Variants in MYBPC3 observed in about 807,000 individuals in gnomAD.
MYBPC3 encodes the protein myosin binding protein C3.
Under a neutral mutation model 159.3 loss-of-function variants are expected in MYBPC3, and 108 were observed. The ratio of observed to expected loss-of-function variants is 0.68; its 90% CI spans 0.58 to 0.80. The LOEUF (loss-of-function observed/expected upper bound fraction) is 0.80. Among genes scored for constraint, MYBPC3 ranks in the 30% least tolerant of loss-of-function variants. The pLI, the probability that MYBPC3 is intolerant of heterozygous loss-of-function variation, is 0.00. For synonymous variants in MYBPC3, 730 were observed against 702.0 expected, an observed-to-expected ratio of 1.04 and a Z score of -0.63; for missense variants, 1,631 against 1,762.1, an observed-to-expected ratio of 0.93 and a Z score of 1.33.
Position 47,333,710 on chromosome 11 carries a change from G to C in MYBPC3, c.3037C>G (p.Pro1013Ala), listed in dbSNP as rs965977966. 1.2e-6 allele frequency: 2 copies of C among 1,609,164 alleles called. No individual in the cohort carries two copies. The highest frequency in any genetic ancestry group is 2.7e-5 in the African/African-American group (2 of 74,920). Residue 1013 changes from proline (P) to alanine (A), a missense_variant, in exon 29 of 35, where the codon CCC becomes GCC. Coordinates refer to ENST00000545968, the MANE Select transcript of MYBPC3 (RefSeq NM_000256.3). ...ATGCTCACCTCCTCGCCTGCCAGGG[G>C]CTGCCCCTCTTTGGTCCAGGTCACC... is the stretch of plus-strand genomic sequence containing the variant. ...PQVTWTKEGQPLAGEEVSIRN... is the reference protein window; with the variant it reads ...PQVTWTKEGQALAGEEVSIRN...
At chr11:47,335,570 G>A (rs548330219) in intron 26 of MYBPC3, 16 of 298,402 alleles carry the variant, frequency 5.4e-5, no homozygotes, top group East Asian at 3.8e-4. Flanking sequence ...CAGGTGATCC[G>A]CCCACCTTGG....
At position 47,351,192 on chromosome 11, in the gene MYBPC3, C is replaced by G. The variant is rs1360671628; in HGVS notation, c.292+47G>C. The G allele has an allele frequency of 3.4e-6, 5 of 1,461,516 alleles. No individual in the cohort carries two copies. In the South Asian group the frequency reaches 5.6e-5, roughly 16 times the overall value. 90.5% of individuals were successfully genotyped at this position (1,461,516 alleles called of 1,614,324 possible). A position where few individuals can be genotyped will look rare whatever the true frequency, so the allele number is the denominator to read the frequency against. ...ATGGATGGAGAGTCGCTGGGCTGCC[C>G]CTCCCCCAGCAGCCCAAACCTCAGG... On this transcript the variant is annotated intron_variant, in intron 2 of 34. Transcript: ENST00000545968. The surrounding 1 kb of genome is among the most constrained non-coding windows in gnomAD (Gnocchi z 4.2).
intron 18 of MYBPC3, among the ~76,000 whole-genome samples, 159 bp from the exon 19 acceptor site, chr11:47,341,403 C>T (rs1484083977): frequency 3.3e-5 from 5 of 152,200 alleles, no homozygotes; most frequent in African/African-American, 1.2e-4. Context: ...TCTAATTTTC[C>T]AGCTTTTTAA....
chr11:47,347,565 A>G (rs3729990), intron 8 of MYBPC3, 86 bp from the exon 9 acceptor site: 229 of 1,558,816 alleles, frequency 1.5e-4, no homozygotes, highest in Non-Finnish European at 1.8e-4. Flanking sequence ...GGAGGGAGAA[A>G]GGGACACTAG....
At chr11:47,344,497 G>A (rs557953912) in intron 12 of MYBPC3, among the ~76,000 whole-genome samples, 9 of 152,302 alleles carry the variant, frequency 5.9e-5, no homozygotes, top group Admixed American at 1.3e-4. Flanking sequence ...TCTTGCGGCC[G>A]TGTTTGTAAA....
In MYBPC3 at chr11:47,338,454, G is replaced by C. The variant is rs992866458; in HGVS notation, c.2308+66C>G. 1 of 1,602,560 alleles carries C rather than the reference G, an allele frequency of 6.2e-7. No homozygotes were observed. The highest frequency in any genetic ancestry group is 2.2e-5 in the East Asian group (1 of 44,666). ...ATGTTTGTCGAGTGGCTGAATGAGC[G>C]AACGGATGGGCCCTCCTTGGGGCTG... On this transcript the variant is annotated intron_variant, in intron 23 of 34. Coordinates refer to ENST00000545968, the MANE Select transcript of MYBPC3 (RefSeq NM_000256.3). The surrounding 1 kb of genome is among the most constrained non-coding windows in gnomAD (Gnocchi z 4.7).
At chr11:47,343,400 G>A (rs1189709870) in intron 13 of MYBPC3, 92 bp downstream of exon 13, 13 of 1,493,786 alleles carry the variant, frequency 8.7e-6, no homozygotes, top group South Asian at 1.3e-5. Flanking sequence ...GAGCCACACC[G>A]AGTCAGAGAT....
chr11:47,339,886 T>G, intron 20 of MYBPC3, 96 bp from the exon 21 acceptor site: 16 of 1,401,170 alleles, frequency 1.1e-5, no homozygotes, highest in East Asian at 2.3e-5. Flanking sequence ...CCCCTGGTTA[T>G]TGGTTTTTTA....
chr11:47,348,136 C>T (rs1196751140), intron 6 of MYBPC3, among the ~76,000 whole-genome samples: 1 of 152,188 alleles, frequency 6.6e-6, no homozygotes, highest in Non-Finnish European at 1.5e-5. Context: ...CTCACCTTCA[C>T]CCATCGCCCA....
chr11:47,336,557 A>T (rs1240137064), intron 25 of MYBPC3, among the ~76,000 whole-genome samples: 1 of 151,798 alleles, frequency 6.6e-6, no homozygotes, highest in Non-Finnish European at 1.5e-5. Flanking sequence ...CCTGGCACGT[A>T]TGATTAGGTG....
At position 47,341,200 on chromosome 11, in the gene MYBPC3, G is replaced by GT; in HGVS notation, c.1834_1835insA (p.Ala612AspfsTer2). 6.3e-7 allele frequency: 1 copy of GT among 1,594,942 alleles called. No homozygotes were observed. The highest frequency in any genetic ancestry group is 8.5e-7 in the Non-Finnish European group (1 of 1,171,114). On this transcript the variant is annotated frameshift_variant, in exon 19 of 35. Transcript: ENST00000545968. LOFTEE classifies it high-confidence loss of function. ...GCCCTCGGGCACAAAGCTGTAGTCA[G>GT]CCTCGTCGGCAGGTGTGACGTCGTC... is the stretch of plus-strand genomic sequence containing the variant.
chr11:47,336,730 C>T (rs2095882686), intron 25 of MYBPC3, among the ~76,000 whole-genome samples: 1 of 152,164 alleles, frequency 6.6e-6, no homozygotes, highest in Admixed American at 6.5e-5. Flanking sequence ...CCCCCGGACT[C>T]ACCCACCCTA....
chr11:47,342,938 G>A lies in MYBPC3; in HGVS notation c.1352-3C>T. On this transcript the variant is annotated splice_region_variant and splice_polypyrimidine_tract_variant and intron_variant, in intron 15 of 34. Transcript: ENST00000545968. ...GCGCGTGATGAGCACAGGGGGCTCTGTCCAGGCAGGGTGAGCATGAGGGTT... is the reference window on the plus strand; with the variant it reads ...GCGCGTGATGAGCACAGGGGGCTCTATCCAGGCAGGGTGAGCATGAGGGTT... 6.2e-7 allele frequency: 1 copy of A among 1,611,210 alleles called. No individual in the cohort carries two copies.
Position 47,341,147 on chromosome 11 carries a change from G to A in MYBPC3, c.1888C>T (p.His630Tyr), listed in dbSNP as rs2095888034. Residue 630 changes from histidine to tyrosine, a missense_variant, in exon 19 of 35, where the codon CAC becomes TAC. Coordinates refer to ENST00000545968, the MANE Select transcript of MYBPC3 (RefSeq NM_000256.3). ...GFACNLSAKL[H>Y]FMEVKIDFVP... is the part of the protein sequence containing the mutation. Reference sequence around the variant, plus strand: ...CCTGGAGCAGGCTCACCCATGAAGTGGAGCTTGGCTGACAGGTTGCAGGCG... The same window carrying A: ...CCTGGAGCAGGCTCACCCATGAAGTAGAGCTTGGCTGACAGGTTGCAGGCG... 2 of 1,595,964 alleles carry A rather than the reference G, an allele frequency of 1.3e-6. No individual in the cohort carries two copies. Among genetic ancestry groups the A allele is most frequent in the Non-Finnish European group, 1.7e-6 (2 of 1,170,958 alleles).
chr11:47,351,117 C>T lies in MYBPC3; in HGVS notation c.292+122G>A, dbSNP rs2095900383. 6 of 1,277,518 alleles carry T rather than the reference C, an allele frequency of 4.7e-6. No individual in the cohort carries two copies. The highest frequency in any genetic ancestry group is 5.9e-5 in the Admixed American group (2 of 34,188). The allele number at this position is 1,277,518 out of a possible 1,614,324, so 79.1% of individuals were successfully genotyped here. On this transcript the variant is annotated intron_variant, in intron 2 of 34. Coordinates refer to ENST00000545968, the MANE Select transcript of MYBPC3 (RefSeq NM_000256.3). This position sits in a 1 kb window ranked among gnomAD's most constrained non-coding sequence, Gnocchi z 4.2. ...GGGAAAGGGCGTTCCTGGCGGGGGGCACAGCCACAGCAAAGGCAAGAAAGT... is the reference window on the plus strand; with the variant it reads ...GGGAAAGGGCGTTCCTGGCGGGGGGTACAGCCACAGCAAAGGCAAGAAAGT...
In MYBPC3 at chr11:47,349,944, G is replaced by T. The variant is rs774834825; in HGVS notation, c.506-22C>A. The T allele has an allele frequency of 1.9e-6, 3 of 1,579,824 alleles. No homozygotes were observed. The African/African-American group carries it at 4.0e-5, about 21-fold the overall frequency. ...CCACCTGCAAAGGCAGGGGCGACAG[G>T]CCCGGCTTGGGGAGTGTCCTGCTGC... On this transcript the variant is annotated intron_variant, in intron 4 of 34. Transcript: ENST00000545968.
rs773291681 is a variant in MYBPC3 at position 47,339,818 on chromosome 11, A to G, written c.1928-28T>C. On this transcript the variant is annotated intron_variant, in intron 20 of 34. Coordinates refer to ENST00000545968, the MANE Select transcript of MYBPC3 (RefSeq NM_000256.3). ...GCAGAAGACACAATGTAGTTCAGAG[A>G]AACGGGAGAGCCAGGAGGAGCACAG... 4.4e-6 allele frequency: 7 copies of G among 1,604,682 alleles called. No homozygotes were observed. In the East Asian group the frequency reaches 1.6e-4, roughly 36 times the overall value.
At chr11:47,337,352 G>T in intron 25 of MYBPC3, 39 bp downstream of exon 25, 1 of 1,528,844 alleles carries the variant, frequency 6.5e-7, no homozygotes, top group Non-Finnish European at 8.8e-7. Context: ...TTTTAACTGG[G>T]GAGGGGGCGG....
At chr11:47,352,234 C>G (rs967104788) in intron 1 of MYBPC3, among the ~76,000 whole-genome samples, 1 of 152,160 alleles carries the variant, frequency 6.6e-6, no homozygotes, top group Non-Finnish European at 1.5e-5. Context: ...TGGGTAGAGA[C>G]TGGTCTGAAG....
Sources: gnomAD v4.1 joint callset for allele counts (sites outside exome capture counted in the v4.1 genomes callset) on GRCh38, gnomAD v4.1.1 for gene constraint, Gnocchi (gnomAD v3.1) non-coding constraint, MANE v1.5 for transcripts, NCBI Gene and HGNC (gene_info 2026-07-23, HGNC 2026-07-21) for gene names.